The following CELF2 variants were observed in gnomAD, a reference collection of about 807,000 sequenced individuals.
The protein encoded by CELF2 is CUGBP Elav-like family member 2, also known as CUG triplet repeat RNA-binding protein 2.
Under a neutral mutation model 62.6 loss-of-function variants are expected in CELF2, and 8 were observed. That is an observed-to-expected ratio of 0.13 (90% CI 0.07 to 0.23). The LOEUF is 0.23. Among genes scored for constraint, CELF2 ranks in the 10% least tolerant of loss-of-function variants. CELF2 has a pLI of 1.00. For synonymous variants in CELF2, 258 were observed against 250.0 expected (o/e 1.03, Z -0.30); for missense variants, 333 against 671.0 (o/e 0.50, Z 5.56).
At chr10:10,553,922 C>T in the CELF2 span, among the ~76,000 whole-genome samples, 1 of 152,068 alleles carries the variant, frequency 6.6e-6, no homozygotes, top group Non-Finnish European at 1.5e-5. Context: ...CCAAGTGAAC[C>T]CTCAGAAGGG....
chr10:11,263,120 G>T (rs10905923), intron 5 of CELF2, among the ~76,000 whole-genome samples: 1 of 151,742 alleles, frequency 6.6e-6, no homozygotes, highest in Non-Finnish European at 1.5e-5. Flanking sequence ...GCTTTCCTTA[G>T]ATCTTGTCTG....
the CELF2 span, among the ~76,000 whole-genome samples, chr10:10,673,811 T>A: frequency 2.0e-5 from 3 of 152,216 alleles, no homozygotes; most frequent in Non-Finnish European, 4.4e-5. Context: ...TATTTTTTAA[T>A]CTCCACATAG....
the CELF2 span, among the ~76,000 whole-genome samples, chr10:10,658,129 T>C: frequency 1.3e-5 from 2 of 152,170 alleles, no homozygotes; most frequent in African/African-American, 2.4e-5. Flanking sequence ...AATGGTTACT[T>C]AAAAATTCCT....
At chr10:11,166,949 G>A (rs986975088) in intron 2 of CELF2, among the ~76,000 whole-genome samples, 10 of 152,208 alleles carry the variant, frequency 6.6e-5, no homozygotes, top group Non-Finnish European at 1.3e-4. Flanking sequence ...GCCAGTACTC[G>A]TTTTAGAAAG....
upstream of CELF2, chr10:10,798,449 G>C (rs1203501876): frequency 3.8e-6 from 1 of 265,936 alleles, no homozygotes; most frequent in Non-Finnish European, 7.0e-6. Flanking sequence ...AAGGAGGACG[G>C]TGTTAATAAA....
intron 1 of CELF2, among the ~76,000 whole-genome samples, chr10:10,892,582 A>G (rs1410277433): frequency 6.6e-6 from 1 of 152,234 alleles, no homozygotes; most frequent in Admixed American, 6.5e-5. Context: ...CCCATTCCAC[A>G]TTCATTCTCA....
At chr10:11,023,422 A>G (rs890400604) in intron 1 of CELF2, among the ~76,000 whole-genome samples, 1 of 152,256 alleles carries the variant, frequency 6.6e-6, no homozygotes, top group African/African-American at 2.4e-5. Flanking sequence ...TGTGGGAAAC[A>G]AAAACTAATT....
rs774383276 is a variant in CELF2, at chr10:11,197,025, A to AAAAG, written c.272-20368_272-20365dup. ...AGGAGAAAGAAAGAAAGAAAGAAAG[A>AAAAG]AAAGAAAGAAAGAAAGAAAGAAAGA... On this transcript the variant is annotated intron_variant, in intron 2 of 12. Transcript: ENST00000633077. Among the ~76,000 whole-genome samples, 242 of 26,136 alleles carry AAAAG rather than the reference A, an allele frequency of 9.3e-3. 68 individuals carry two copies. Among genetic ancestry groups the AAAAG allele is most frequent in the African/African-American group, 0.013 (73 of 5,650 alleles). The allele number at this position is 26,136 out of a possible 152,430, so 17.1% of individuals were successfully genotyped here.
At chr10:11,065,918 G>A (rs1490817975) in intron 1 of CELF2, among the ~76,000 whole-genome samples, 2 of 152,302 alleles carry the variant, frequency 1.3e-5, no homozygotes, top group South Asian at 2.1e-4. Context: ...AGAAAACCAG[G>A]AAGCCACTGA....
rs922982267 is a variant in CELF2, at chr10:11,220,420, T to G, written c.354+2913T>G. ...AACAAGTTGATAGGATGGTCTGTTG[T>G]GCAATCAAATGTGTCTGCCATAAGA... On this transcript the variant is annotated intron_variant, in intron 3 of 12. Transcript: ENST00000633077. This position sits in a 1 kb window ranked among gnomAD's most constrained non-coding sequence, Gnocchi z 4.4. 1.3e-5 allele frequency among the ~76,000 whole-genome samples: 2 copies of G among 152,222 alleles called. No individual in the cohort carries two copies. Among genetic ancestry groups the G allele is most frequent in the African/African-American group, 4.8e-5 (2 of 41,460 alleles).
chr10:10,515,282 A>G, the CELF2 span, among the ~76,000 whole-genome samples: 1 of 152,090 alleles, frequency 6.6e-6, no homozygotes, highest in Non-Finnish European at 1.5e-5. Context: ...AGCTGTGTAA[A>G]CTCATGAAAT....
chr10:10,561,419 C>T, the CELF2 span, among the ~76,000 whole-genome samples: 1 of 152,174 alleles, frequency 6.6e-6, no homozygotes, highest in African/African-American at 2.4e-5. Flanking sequence ...TCAACAAATA[C>T]ATGTTAAGTA....
At chr10:11,024,580 G>A (rs939471228) in intron 1 of CELF2, among the ~76,000 whole-genome samples, 1 of 152,068 alleles carries the variant, frequency 6.6e-6, no homozygotes, top group Non-Finnish European at 1.5e-5. Flanking sequence ...CAGCCTGGGC[G>A]ACAGAGCAAG....
the CELF2 span, among the ~76,000 whole-genome samples, chr10:10,562,839 G>A: frequency 5.3e-5 from 8 of 151,616 alleles, no homozygotes; most frequent in South Asian, 4.2e-4. Flanking sequence ...CGTATGCTCC[G>A]TCCAGCCAAG....
At chr10:10,510,897 G>A in the CELF2 span, among the ~76,000 whole-genome samples, 5 of 152,188 alleles carry the variant, frequency 3.3e-5, no homozygotes, top group Non-Finnish European at 2.9e-5. Flanking sequence ...CAAAAGGCTT[G>A]AAGGGAGAAG....
chr10:10,744,819 A>G, the CELF2 span, among the ~76,000 whole-genome samples: 25 of 152,248 alleles, frequency 1.6e-4, no homozygotes, highest in African/African-American at 5.8e-4. Flanking sequence ...TGTAAGTCAT[A>G]AAGAGGCTCT....
the CELF2 span, among the ~76,000 whole-genome samples, chr10:10,771,944 G>A: frequency 3.4e-4 from 52 of 152,188 alleles, no homozygotes; most frequent in African/African-American, 4.6e-4. Flanking sequence ...TATAGACGTC[G>A]GGCAAGTTTT....
chr10:10,652,950 G>T, the CELF2 span, among the ~76,000 whole-genome samples: 1 of 152,142 alleles, frequency 6.6e-6, no homozygotes, highest in South Asian at 2.1e-4. Flanking sequence ...AGACCCATCA[G>T]TGTGCTGTAC....
intron 2 of CELF2, among the ~76,000 whole-genome samples, chr10:10,989,232 G>A (rs1028882863): frequency 1.3e-5 from 2 of 152,122 alleles, no homozygotes; most frequent in African/African-American, 2.4e-5. Flanking sequence ...AATTTCAGTA[G>A]AATTTTTTGA....
Sources: allele counts gnomAD v4.1 joint callset (sites outside exome capture counted in the v4.1 genomes callset), GRCh38; gene constraint gnomAD v4.1.1; non-coding constraint Gnocchi (gnomAD v3.1); transcripts MANE v1.5; gene names NCBI Gene and HGNC (gene_info 2026-07-23, HGNC 2026-07-21).